Variants in KATNAL2 observed in about 807,000 individuals in gnomAD.
KATNAL2 encodes the protein katanin catalytic subunit A1 like 2.
In KATNAL2, 52 loss-of-function variants were observed where a neutral mutation model predicts 76.3. That is an observed-to-expected ratio of 0.68 (90% confidence interval 0.55 to 0.86). The LOEUF (loss-of-function observed/expected upper bound fraction) is 0.86, where lower values mean the gene tolerates loss of function less well. KATNAL2 is among the 40% of genes least tolerant of loss of function. The pLI, the probability that KATNAL2 is intolerant of heterozygous loss-of-function variation, is 0.00. For missense variants in KATNAL2, 660 were observed against 668.9 expected (o/e 0.99, Z 0.15); for synonymous variants, 243 against 244.2 (o/e 1.00, Z 0.05).
intron 15 of KATNAL2, among the ~76,000 whole-genome samples, chr18:47,087,232 AT>A (rs1306392367): frequency 6.6e-6 from 1 of 152,174 alleles, no homozygotes; most frequent in Non-Finnish European, 1.5e-5. Context: ...AAAAATCATA[AT>A]TTATATGCTT....
rs558909791 is a variant in KATNAL2, at chr18:46,953,501, G to A, written c.51+6578G>A. On this transcript the variant is annotated intron_variant, in intron 3 of 17. Transcript: ENST00000683218. ...TAAAAATAGAAAGTTAGCTGGGCAT[G>A]GTGGCACCACCCCTGTGTTAGAGGT... 2.4e-4 allele frequency among the ~76,000 whole-genome samples: 37 copies of A among 152,138 alleles called. No individual in the cohort carries two copies. In the South Asian group the frequency reaches 7.5e-3, roughly 31 times the overall value.
chr18:47,031,012 T>TCCCCCCCCCCCC (rs372151610), intron 3 of KATNAL2, among the ~76,000 whole-genome samples: 1 of 6,624 alleles, frequency 1.5e-4, no homozygotes. Context: ...CTCTAGCATC[T>TCCCCCCCCCCCC]CCCCCCCCCC....
rs139379244 is a variant in KATNAL2 at position 47,091,978 on chromosome 18, T to C, written c.1212-7265T>C. ...GCTTATTTTCTCTTCCCTTGGGGTT[T>C]TCAGTCTGATATCAGCTTATTTTTT... is the stretch of plus-strand genomic sequence containing the variant. On this transcript the variant is annotated intron_variant, in intron 15 of 17. Transcript: ENST00000683218. Among the ~76,000 whole-genome samples the C allele has an allele frequency of 9.8e-5, 15 of 152,288 alleles. No individual in the cohort carries two copies. In the East Asian group the frequency reaches 2.7e-3, roughly 27 times the overall value.
At chr18:47,032,859 A>C (rs1275636947) in intron 3 of KATNAL2, 40 of 1,510,324 alleles carry the variant, frequency 2.6e-5, no homozygotes, top group Non-Finnish European at 3.5e-5. Flanking sequence ...CAGGGCCAGC[A>C]CATGACACCT....
At chr18:47,066,284 C>T (rs1204270872) in intron 10 of KATNAL2, among the ~76,000 whole-genome samples, 1 of 152,056 alleles carries the variant, frequency 6.6e-6, no homozygotes, top group East Asian at 1.9e-4. Flanking sequence ...CTGAGAAAGG[C>T]CCCTTAGTGA....
rs545594774 is a variant in KATNAL2, at chr18:47,033,196, C to T, written c.52-13261C>T. The T allele has an allele frequency of 8.1e-5, 130 of 1,614,130 alleles. 1 individual carries two copies. In the South Asian group the frequency reaches 1.3e-3, roughly 17 times the overall value. On this transcript the variant is annotated intron_variant, in intron 3 of 17. Transcript: ENST00000683218. ...GCTGCTGTCTCTGCCACCGCCGCTG[C>T]TGCTCTGGCTGGAGGGAGTGTGGCT... is the stretch of plus-strand genomic sequence containing the variant.
At chr18:47,048,828 C>CTTTTTTTCTTTTTT (rs2061244779) in intron 4 of KATNAL2, among the ~76,000 whole-genome samples, 1 of 76,722 alleles carries the variant, frequency 1.3e-5, no homozygotes, top group Non-Finnish European at 2.3e-5. Context: ...AAGCCAGACT[C>CTTTTTTTCTTTTTT]TTTTTTTTTT....
intron 3 of KATNAL2, among the ~76,000 whole-genome samples, chr18:47,036,338 CA>C (rs1241841039): frequency 1.2e-4 from 18 of 152,166 alleles, no homozygotes; most frequent in African/African-American, 4.3e-4. Flanking sequence ...CTAGTTTTCT[CA>C]AAAACTCTGT....
At position 46,917,853 on chromosome 18, in the gene KATNAL2, G is replaced by A. The variant is rs2058170756; in HGVS notation, c.-583G>A. 1 of 152,354 alleles carries A rather than the reference G, an allele frequency of 6.6e-6. No individual in the cohort carries two copies. The highest frequency in any genetic ancestry group is 1.5e-5 in the Non-Finnish European group (1 of 68,154). 9.4% of individuals were successfully genotyped at this position (152,354 alleles called of 1,614,324 possible). On this transcript the variant is annotated 5_prime_UTR_variant, in exon 1 of 18. Transcript: ENST00000683218. ...CGGTGCCCTTCACGCGGTGCCTATG[G>A]ACGGAGAAAGCCGCCGCAAATAAAA...
intron 1 of KATNAL2, among the ~76,000 whole-genome samples, chr18:46,929,779 T>C (rs1012063559): frequency 3.9e-5 from 6 of 152,144 alleles, no homozygotes; most frequent in African/African-American, 1.4e-4. Context: ...ATTTTTTATT[T>C]ATTTATTTTT....
At chr18:46,929,697 A>G (rs1308415631) in intron 1 of KATNAL2, among the ~76,000 whole-genome samples, 1 of 152,180 alleles carries the variant, frequency 6.6e-6, no homozygotes, top group Non-Finnish European at 1.5e-5. Flanking sequence ...TTTTATAGAT[A>G]TCTTATTTTA....
At chr18:47,083,605 A>G (rs1046017151) in intron 15 of KATNAL2, among the ~76,000 whole-genome samples, 3 of 152,226 alleles carry the variant, frequency 2.0e-5, no homozygotes, top group African/African-American at 7.2e-5. Context: ...TCCCTAGTCT[A>G]TAGCATCACA....
In KATNAL2 at chr18:46,946,932, C is replaced by A. The variant is rs924098382; in HGVS notation, c.51+9C>A. On this transcript the variant is annotated intron_variant, in intron 3 of 17. Coordinates refer to ENST00000683218, the MANE Select transcript of KATNAL2 (RefSeq NM_001387690.1). Reference sequence around the variant, plus strand: ...ATCAGGCGCGGGAAGCGGTAAGGAACGCATATATAAAACATGATTATACCA... The same window carrying A: ...ATCAGGCGCGGGAAGCGGTAAGGAAAGCATATATAAAACATGATTATACCA... 1.2e-5 allele frequency: 18 copies of A among 1,504,470 alleles called. No homozygotes were observed. Among genetic ancestry groups the A allele is most frequent in the Admixed American group, 9.8e-5 (5 of 50,930 alleles). 93.2% of individuals were successfully genotyped at this position (1,504,470 alleles called of 1,614,324 possible).
intron 1 of KATNAL2, among the ~76,000 whole-genome samples, chr18:46,922,101 CTTTT>C (rs10714256): frequency 7.1e-6 from 1 of 140,884 alleles, no homozygotes; most frequent in Admixed American, 7.1e-5. Flanking sequence ...TTTTTCCTCA[CTTTT>C]TTTTTTTTTT....
chr18:46,920,912 G>A (rs1022701885), intron 1 of KATNAL2, among the ~76,000 whole-genome samples: 7 of 152,178 alleles, frequency 4.6e-5, no homozygotes, highest in African/African-American at 1.4e-4. Context: ...ACCAGTGCCA[G>A]CCACATGCTG....
intron 15 of KATNAL2, among the ~76,000 whole-genome samples, chr18:47,087,098 G>C (rs189515649): frequency 6.6e-6 from 1 of 152,230 alleles, no homozygotes; most frequent in Admixed American, 6.5e-5. Context: ...TACCTTTCTG[G>C]TGAAAATGGT....
At chr18:47,045,450 C>T (rs1390873210) in intron 3 of KATNAL2, among the ~76,000 whole-genome samples, 2 of 151,708 alleles carry the variant, frequency 1.3e-5, no homozygotes, top group Non-Finnish European at 2.9e-5. Context: ...CTCAGCCTCT[C>T]GAGTAGCTGG....
At chr18:46,955,590 C>G (rs1178076234) in intron 3 of KATNAL2, among the ~76,000 whole-genome samples, 1 of 151,090 alleles carries the variant, frequency 6.6e-6, no homozygotes, top group African/African-American at 2.4e-5. Context: ...AACAGGGTCT[C>G]ACCGTTTTGC....
chr18:47,035,248 G>C (rs61738602), intron 3 of KATNAL2: 116,415 of 1,612,676 alleles, frequency 0.072, 4,648 homozygotes, highest in Non-Finnish European at 0.083. Flanking sequence ...GTGCAGCGTA[G>C]TGGACCCTGC....
Sources: allele counts gnomAD v4.1 joint callset (sites outside exome capture counted in the v4.1 genomes callset), GRCh38; gene constraint gnomAD v4.1.1; transcripts MANE v1.5; gene names NCBI Gene and HGNC (gene_info 2026-07-23, HGNC 2026-07-21).